Variants in DENND1A observed in about 807,000 individuals in gnomAD.
DENND1A encodes the protein DENN domain-containing protein 1A.
DENND1A carries 51 observed loss-of-function variants against 113.7 expected under a neutral mutation model. That is an observed-to-expected ratio of 0.45 (90% confidence interval 0.36 to 0.57). DENND1A has a LOEUF of 0.57. DENND1A is among the 20% of genes least tolerant of loss of function. The pLI is 0.00. For synonymous variants in DENND1A, 565 were observed against 570.8 expected (o/e 0.99, Z 0.14); for missense variants, 1,258 against 1,395.9 (o/e 0.90, Z 1.57).
At chr9:123,559,343 G>A (rs761898144) in intron 12 of DENND1A, among the ~76,000 whole-genome samples, 15 of 152,198 alleles carry the variant, frequency 9.9e-5, no homozygotes, top group Non-Finnish European at 2.1e-4. Flanking sequence ...ACGTTTCACA[G>A]AAACTAATTC....
At chr9:123,631,880 GA>G (rs60518756) in intron 9 of DENND1A, among the ~76,000 whole-genome samples, 7,650 of 151,650 alleles carry the variant, frequency 0.05, 239 homozygotes, top group South Asian at 0.082. Context: ...AAAAGAAAGG[GA>G]AAAAAAACAA....
chr9:123,560,695 A>AAT (rs1254332569), intron 12 of DENND1A, among the ~76,000 whole-genome samples: 2 of 151,654 alleles, frequency 1.3e-5, no homozygotes, highest in African/African-American at 2.4e-5. Context: ...GTCTCAAAAA[A>AAT]AAAAAAAAAG....
At chr9:123,904,071 C>A (rs1852277543) in intron 1 of DENND1A, among the ~76,000 whole-genome samples, 1 of 152,044 alleles carries the variant, frequency 6.6e-6, no homozygotes, top group Non-Finnish European at 1.5e-5. Flanking sequence ...ACCCCTGACC[C>A]CCGAGCAGCC....
At position 123,387,868 on chromosome 9, in the gene DENND1A, A is replaced by C. The variant is rs2042648991; in HGVS notation, c.1632-10T>G. 1 of 1,289,562 alleles carries C rather than the reference A, an allele frequency of 7.8e-7. No individual in the cohort carries two copies. Among genetic ancestry groups the C allele is most frequent in the African/African-American group, 1.5e-5 (1 of 65,844 alleles). 79.9% of individuals were successfully genotyped at this position (1,289,562 alleles called of 1,614,324 possible). On this transcript the variant is annotated splice_polypyrimidine_tract_variant and intron_variant, in intron 21 of 23. Transcript: ENST00000394215. ...CAAGGGCTTTACCAGGCTGGGGCAG[A>C]GGAAGACAAAAGAGAAGAGAACAGG...
intron 9 of DENND1A, among the ~76,000 whole-genome samples, chr9:123,637,733 A>C (rs1013139142): frequency 6.6e-6 from 1 of 152,200 alleles, no homozygotes; most frequent in African/African-American, 2.4e-5. Flanking sequence ...CAGATGCCGG[A>C]CATGTGAGTA....
intron 5 of DENND1A, among the ~76,000 whole-genome samples, chr9:123,743,538 C>A (rs186384141): frequency 3.3e-5 from 5 of 151,910 alleles, no homozygotes; most frequent in Admixed American, 2.6e-4. Context: ...TTGAGACCAG[C>A]CTGACCAATA....
intron 3 of DENND1A, among the ~76,000 whole-genome samples, chr9:123,777,294 C>T (rs961931024): frequency 6.6e-6 from 1 of 152,224 alleles, no homozygotes; most frequent in Non-Finnish European, 1.5e-5. Flanking sequence ...CTCAGGGCCA[C>T]GCTGCTTGTT....
chr9:123,877,875 C>T (rs1847740363), intron 2 of DENND1A, among the ~76,000 whole-genome samples: 2 of 151,922 alleles, frequency 1.3e-5, no homozygotes, highest in Non-Finnish European at 2.9e-5. Context: ...TAGAGTTAAA[C>T]AAAGGTGTTG....
intron 13 of DENND1A, among the ~76,000 whole-genome samples, chr9:123,483,759 G>A (rs2050552448): frequency 6.6e-6 from 1 of 152,188 alleles, no homozygotes; most frequent in African/African-American, 2.4e-5. Flanking sequence ...CAAGTCACAG[G>A]TCAGTTCGTT....
At chr9:123,504,324 ACT>A (rs1491164980) in intron 13 of DENND1A, among the ~76,000 whole-genome samples, 1 of 151,764 alleles carries the variant, frequency 6.6e-6, no homozygotes, top group Non-Finnish European at 1.5e-5. Context: ...TGACTTCTTG[ACT>A]CTCTTTTCAC....
At chr9:123,621,185 T>G (rs530081778) in intron 10 of DENND1A, among the ~76,000 whole-genome samples, 1 of 120,934 alleles carries the variant, frequency 8.3e-6, no homozygotes, top group South Asian at 2.6e-4. Flanking sequence ...GTTGAAATTC[T>G]TTTTTTTTTT....
chr9:123,735,977 C>G (rs544421231), intron 5 of DENND1A, among the ~76,000 whole-genome samples: 2 of 152,254 alleles, frequency 1.3e-5, no homozygotes, highest in East Asian at 1.9e-4. Context: ...TGCACTCCAT[C>G]CTGGGTGACA....
At chr9:123,477,532 C>A (rs2050013510) in intron 13 of DENND1A, among the ~76,000 whole-genome samples, 2 of 151,830 alleles carry the variant, frequency 1.3e-5, no homozygotes, top group Non-Finnish European at 1.5e-5. Context: ...ACTCCACCAG[C>A]CTGGGTGACG....
At chr9:123,592,923 T>C (rs149644166) in intron 11 of DENND1A, among the ~76,000 whole-genome samples, 1 of 152,344 alleles carries the variant, frequency 6.6e-6, no homozygotes, top group South Asian at 2.1e-4. Context: ...AGTTAATATA[T>C]GTGTAATACC....
chr9:123,540,760 C>A (rs1414760003), intron 13 of DENND1A, among the ~76,000 whole-genome samples: 1 of 152,100 alleles, frequency 6.6e-6, no homozygotes, highest in African/African-American at 2.4e-5. Flanking sequence ...GTTTTCTGTA[C>A]CCCAGGAATG....
At chr9:123,567,575 A>G (rs1315438570) in intron 12 of DENND1A, among the ~76,000 whole-genome samples, 1 of 152,242 alleles carries the variant, frequency 6.6e-6, no homozygotes, top group Non-Finnish European at 1.5e-5. Flanking sequence ...AAAGTTAATC[A>G]TAATTAAAAA....
chr9:123,433,406 T>C (rs889065660), intron 19 of DENND1A, among the ~76,000 whole-genome samples: 2 of 152,234 alleles, frequency 1.3e-5, no homozygotes, highest in Admixed American at 6.5e-5. Context: ...CTCTCTTCTC[T>C]ACACATGGAT....
At chr9:123,583,533 GC>G (rs2059022850) in intron 11 of DENND1A, among the ~76,000 whole-genome samples, 1 of 152,108 alleles carries the variant, frequency 6.6e-6, no homozygotes, top group Non-Finnish European at 1.5e-5. Flanking sequence ...AGGTCACATA[GC>G]CAGAAAGTAA....
rs975054508 is a variant in DENND1A, at chr9:123,474,119, T to C, written c.994-16222A>G. On this transcript the variant is annotated intron_variant, in intron 13 of 23. Transcript: ENST00000394215. ...AAGTAATTCTCCTGCCTCAGCCTCCTGAGTAGCTGGGATTACAGGCATGCA... is the reference window on the plus strand; with the variant it reads ...AAGTAATTCTCCTGCCTCAGCCTCCCGAGTAGCTGGGATTACAGGCATGCA... 2.0e-5 allele frequency among the ~76,000 whole-genome samples: 3 copies of C among 149,940 alleles called. No homozygotes were observed. In the Admixed American group the frequency reaches 2.0e-4, roughly 10 times the overall value.
Sources: gnomAD v4.1 joint callset for allele counts (sites outside exome capture counted in the v4.1 genomes callset) on GRCh38, gnomAD v4.1.1 for gene constraint, MANE v1.5 for transcripts, NCBI Gene and HGNC (gene_info 2026-07-23, HGNC 2026-07-21) for gene names.